The following DOCK5 variants were observed in gnomAD, a reference collection of about 807,000 sequenced individuals.
The protein encoded by DOCK5 is dedicator of cytokinesis protein 5.
A neutral mutation model predicts 251.8 loss-of-function variants in DOCK5; 142 were observed. The ratio of observed to expected loss-of-function variants is 0.56; its 90% confidence interval spans 0.49 to 0.65. The LOEUF (loss-of-function observed/expected upper bound fraction) is 0.65. Among genes scored for constraint, DOCK5 ranks in the 30% least tolerant of loss-of-function variants. The pLI is 0.00. For synonymous variants in DOCK5, 842 were observed against 835.5 expected (o/e 1.01, Z -0.13); for missense variants, 2,111 against 2,312.3 (o/e 0.91, Z 1.79).
intron 5 of DOCK5, among the ~76,000 whole-genome samples, chr8:25,285,273 G>A (rs1473863757): frequency 1.3e-5 from 2 of 152,130 alleles, no homozygotes; most frequent in African/African-American, 4.8e-5. Flanking sequence ...AGTCTCCGGA[G>A]TAGCTGGGAT....
At position 25,384,455 on chromosome 8, in the gene DOCK5, A is replaced by ATTTTT. The variant is rs1294643896; in HGVS notation, c.4131+1680_4131+1681insTTTTT. On this transcript the variant is annotated intron_variant, in intron 40 of 51. Transcript: ENST00000276440. ...ATTTTATTTATTTATTTATTTATTT[A>ATTTTT]TTTATTTATTTTTTTTTTTTTTGAG... Among the ~76,000 whole-genome samples the ATTTTT allele has an allele frequency of 4.8e-3, 217 of 45,026 alleles. 3 individuals carry two copies. Among genetic ancestry groups the ATTTTT allele is most frequent in the Middle Eastern group, 0.011 (1 of 94 alleles). The allele number at this position is 45,026 out of a possible 152,430, so 29.5% of individuals were successfully genotyped here. A position where few individuals can be genotyped will look rare whatever the true frequency, so the allele number is the denominator to read the frequency against.
chr8:25,259,966 A>G (rs1165026364), intron 2 of DOCK5, among the ~76,000 whole-genome samples: 1 of 152,198 alleles, frequency 6.6e-6, no homozygotes, highest in Non-Finnish European at 1.5e-5. Context: ...CAAAAGCCCC[A>G]GTGAGTTCCA....
intron 44 of DOCK5, among the ~76,000 whole-genome samples, chr8:25,395,129 A>G (rs1208834038): frequency 6.6e-6 from 1 of 152,164 alleles, no homozygotes; most frequent in Admixed American, 6.5e-5. Context: ...GGAGACAGTG[A>G]CAGATCATCA....
At chr8:25,292,271 G>T (rs1804512630) in intron 6 of DOCK5, 99 bp downstream of exon 6, 2 of 1,320,036 alleles carry the variant, frequency 1.5e-6, no homozygotes, top group East Asian at 5.2e-5. Flanking sequence ...TCTTAGAGTT[G>T]CCAAAGAATA....
Position 25,413,385 on chromosome 8 carries a change from G to C in DOCK5, c.*2087G>C, listed in dbSNP as rs921131530. On this transcript the variant is annotated 3_prime_UTR_variant, in exon 52 of 52. Transcript: ENST00000276440. ...TGAGGTCTTTTACATGATTATTTAT[G>C]ACTAGAGACAAACTTAATAAGAACT... 6.6e-6 allele frequency: 1 copy of C among 150,986 alleles called. No homozygotes were observed. Among genetic ancestry groups the C allele is most frequent in the Non-Finnish European group, 1.5e-5 (1 of 67,834 alleles). The allele number at this position is 150,986 out of a possible 1,614,324, so 9.4% of individuals were successfully genotyped here. A position where few individuals can be genotyped will look rare whatever the true frequency, so the allele number is the denominator to read the frequency against.
chr8:25,272,911 G>A (rs1803948823), intron 3 of DOCK5, among the ~76,000 whole-genome samples: 1 of 151,954 alleles, frequency 6.6e-6, no homozygotes, highest in African/African-American at 2.4e-5. Flanking sequence ...TGTACTTTCT[G>A]TCTTTATGAA....
chr8:25,350,361 T>G (rs1289378517), intron 26 of DOCK5, among the ~76,000 whole-genome samples: 1 of 97,636 alleles, frequency 1.0e-5, no homozygotes, highest in African/African-American at 4.2e-5. Flanking sequence ...TGTGGGTAAG[T>G]CGGAGCCAAA....
chr8:25,245,246 C>G (rs914964961), intron 2 of DOCK5, among the ~76,000 whole-genome samples: 7 of 151,976 alleles, frequency 4.6e-5, no homozygotes, highest in African/African-American at 1.7e-4. Flanking sequence ...TTAGTAGAGA[C>G]GGAGTTTCAC....
chr8:25,362,492 A>G (rs1191528460), intron 28 of DOCK5, among the ~76,000 whole-genome samples: 1 of 111,216 alleles, frequency 9.0e-6, no homozygotes, highest in Non-Finnish European at 1.7e-5. Context: ...TTTGAGATAG[A>G]GTCTCACTCT....
chr8:25,368,137 T>C, intron 31 of DOCK5, 55 bp from the exon 32 acceptor site: 1 of 1,358,468 alleles, frequency 7.4e-7, no homozygotes, highest in Non-Finnish European at 1.0e-6. Context: ...TTATTGTGTT[T>C]ATGCAATTCA....
intron 7 of DOCK5, among the ~76,000 whole-genome samples, chr8:25,297,549 T>C (rs1804649334): frequency 6.6e-6 from 1 of 151,962 alleles, no homozygotes; most frequent in African/African-American, 2.4e-5. Flanking sequence ...CCACCAAGCC[T>C]GGCCAATTTT....
intron 18 of DOCK5, among the ~76,000 whole-genome samples, chr8:25,329,694 T>C (rs1177613989): frequency 6.6e-6 from 1 of 152,158 alleles, no homozygotes; most frequent in Non-Finnish European, 1.5e-5. Flanking sequence ...TCTACCTGTA[T>C]ACCAGGAGAC....
At chr8:25,375,847 C>A in intron 37 of DOCK5, 2 of 978,844 alleles carry the variant, frequency 2.0e-6, no homozygotes, top group Non-Finnish European at 2.4e-6. Flanking sequence ...CCTGTAATCC[C>A]AGCTCTTTGG....
At chr8:25,285,606 G>T (rs185405033) in intron 5 of DOCK5, among the ~76,000 whole-genome samples, 275 of 152,304 alleles carry the variant, frequency 1.8e-3, no homozygotes, top group Admixed American at 4.6e-3. Flanking sequence ...AGGGGAACTT[G>T]CAGAACATAC....
At chr8:25,369,975 A>G (rs1297851181) in intron 34 of DOCK5, among the ~76,000 whole-genome samples, 1 of 152,254 alleles carries the variant, frequency 6.6e-6, no homozygotes, top group Admixed American at 6.5e-5. Context: ...ATAACTGCAA[A>G]GTAACAATTT....
rs145695404 is a variant in DOCK5 at position 25,342,483 on chromosome 8, G to C, written c.2593G>C (p.Glu865Gln). 127 of 1,594,596 alleles carry C rather than the reference G, an allele frequency of 8.0e-5. No individual in the cohort carries two copies. Among genetic ancestry groups the C allele is most frequent in the Non-Finnish European group, 1.0e-4 (120 of 1,169,108 alleles). ...QKLNCMTKIVESTLFRQSECR... is the reference protein window; with the variant it reads ...QKLNCMTKIVQSTLFRQSECR... ...ACTTAACTGCATGACCAAGATAGTA[G>C]AGAGCACTCTTTTTCGACAGTCAGG... is the stretch of plus-strand genomic sequence containing the variant. Residue 865 changes from glutamate to glutamine, a missense_variant, in exon 25 of 52, where the codon GAG (glutamate) becomes CAG (glutamine). Glu to Gln is a conservative substitution (Grantham distance 29). Coordinates refer to ENST00000276440, the MANE Select transcript of DOCK5 (RefSeq NM_024940.8).
intron 26 of DOCK5, among the ~76,000 whole-genome samples, chr8:25,346,103 G>A (rs1184991074): frequency 6.6e-6 from 1 of 152,064 alleles, no homozygotes; most frequent in South Asian, 2.1e-4. Flanking sequence ...ACCCATCTCG[G>A]CCTCCCAAAG....
At chr8:25,341,452 A>G (rs1174051075) in intron 23 of DOCK5, among the ~76,000 whole-genome samples, 1 of 152,200 alleles carries the variant, frequency 6.6e-6, no homozygotes, top group African/African-American at 2.4e-5. Flanking sequence ...CCATGTTGCA[A>G]GAGAGGCTTC....
At chr8:25,228,126 C>G (rs932766763) in intron 1 of DOCK5, among the ~76,000 whole-genome samples, 5 of 152,218 alleles carry the variant, frequency 3.3e-5, no homozygotes, top group African/African-American at 1.2e-4. Flanking sequence ...ATCTGCCTGC[C>G]TTGGCCTCCC....
Sources: allele counts gnomAD v4.1 joint callset (sites outside exome capture counted in the v4.1 genomes callset), GRCh38; gene constraint gnomAD v4.1.1; transcripts MANE v1.5; gene names NCBI Gene and HGNC (gene_info 2026-07-23, HGNC 2026-07-21).